RIMBP2: variants seen among roughly 807,000 people sequenced by gnomAD.
RIMBP2 encodes RIMS-binding protein 2.
A neutral mutation model predicts 118.6 loss-of-function variants in RIMBP2; 48 were observed. That is an observed-to-expected ratio of 0.40 (90% CI 0.32 to 0.51). RIMBP2 has a LOEUF of 0.51. Ranked by LOEUF, RIMBP2 falls within the 20% of genes least tolerant of loss-of-function variation. The pLI is 0.41. For synonymous variants in RIMBP2, 762 were observed against 742.9 expected (o/e 1.03, Z -0.42); for missense variants, 1,551 against 1,768.3 (o/e 0.88, Z 2.20).
At chr12:130,596,529 CA>C in intron 2 of RIMBP2, among the ~76,000 whole-genome samples, 1 of 152,332 alleles carries the variant, frequency 6.6e-6, no homozygotes, top group Admixed American at 6.5e-5. Context: ...CACCCACTCA[CA>C]ACGTAGGAAA....
intron 1 of RIMBP2, among the ~76,000 whole-genome samples, chr12:130,655,726 C>T (rs2063400629): frequency 6.6e-6 from 1 of 152,132 alleles, no homozygotes; most frequent in African/African-American, 2.4e-5. Context: ...CATATGTGCA[C>T]ACACACACAC....
chr12:130,509,745 A>G (rs1046960362), intron 3 of RIMBP2, among the ~76,000 whole-genome samples: 1 of 143,388 alleles, frequency 7.0e-6, no homozygotes, highest in Non-Finnish European at 1.5e-5. Context: ...CCCCGGCAAC[A>G]GCACCCACAC....
chr12:130,451,331 C>T lies in RIMBP2; in HGVS notation c.368G>A (p.Ser123Asn), dbSNP rs1343504202. 2 of 1,603,122 alleles carry T rather than the reference C, an allele frequency of 1.2e-6. No homozygotes were observed. ...LATSLGKGQE[S>N]AIGGSSAIGE... ...GATCGCAGAGCTGCCTCCAATAGCG[C>T]TCTCCTGACCTGGCCACGAACATTA... The change falls in exon 8 of 23, where the codon AGC becomes AAC. Residue 123 changes from serine (S) to asparagine (N), a missense_variant. Physicochemically the swap from Ser to Asn is conservative, Grantham distance 46. Coordinates refer to ENST00000690449, the MANE Select transcript of RIMBP2 (RefSeq NM_001393629.1).
At chr12:130,398,602 C>T (rs989639218) in intron 22 of RIMBP2, 3 of 152,580 alleles carry the variant, frequency 2.0e-5, no homozygotes, top group Non-Finnish European at 4.4e-5. Flanking sequence ...ATAGCTCTCT[C>T]GTAAGGTAGA....
At chr12:130,654,879 G>A (rs1232303634) in intron 1 of RIMBP2, among the ~76,000 whole-genome samples, 1 of 152,282 alleles carries the variant, frequency 6.6e-6, no homozygotes, top group East Asian at 1.9e-4. Context: ...CAGCAAGAAA[G>A]CCAGGGAGGA....
rs1240370789 is a variant in RIMBP2, at chr12:130,511,172, G to A, written c.-126-4402C>T. On this transcript the variant is annotated intron_variant, in intron 3 of 22. Transcript: ENST00000690449. This position sits in a 1 kb window ranked among gnomAD's most constrained non-coding sequence, Gnocchi z 4.3. ...AGCAGAGTCAGAGACAAAAAAGAGA[G>A]AGCTTAGGTGATGCTCTGCTGCCAG... is the stretch of plus-strand genomic sequence containing the variant. Among the ~76,000 whole-genome samples the A allele has an allele frequency of 6.6e-6, 1 of 152,108 alleles. No homozygotes were observed. The highest frequency in any genetic ancestry group is 2.4e-5 in the African/African-American group (1 of 41,408).
At chr12:130,517,165 A>G (rs1034146574) in intron 3 of RIMBP2, among the ~76,000 whole-genome samples, 1 of 152,134 alleles carries the variant, frequency 6.6e-6, no homozygotes, top group Non-Finnish European at 1.5e-5. Context: ...CAATGTGTTA[A>G]TGGACCAGTG....
At chr12:130,468,815 G>A (rs763321049) in intron 6 of RIMBP2, among the ~76,000 whole-genome samples, 9 of 152,174 alleles carry the variant, frequency 5.9e-5, no homozygotes, top group African/African-American at 1.4e-4. Flanking sequence ...TCTCCTCTGC[G>A]GTCATCTGAA....
intron 2 of RIMBP2, among the ~76,000 whole-genome samples, chr12:130,551,902 C>A (rs1390291385): frequency 6.6e-6 from 1 of 152,222 alleles, no homozygotes; most frequent in Non-Finnish European, 1.5e-5. Context: ...TGCAGTTTCA[C>A]ATTATGTTAG....
Position 130,407,707 on chromosome 12 carries a change from T to G in RIMBP2, c.3693+19A>C, listed in dbSNP as rs2075307517. ...GGGTGTGGTTGTGTCCGTCATGAAG[T>G]GCAGTGTTTGGCTGGTACCTCGACA... On this transcript the variant is annotated intron_variant, in intron 20 of 22. Coordinates refer to ENST00000690449, the MANE Select transcript of RIMBP2 (RefSeq NM_001393629.1). 1 of 1,590,010 alleles carries G rather than the reference T, an allele frequency of 6.3e-7. No individual in the cohort carries two copies. The highest frequency in any genetic ancestry group is 1.7e-5 in the Admixed American group (1 of 59,954).
intron 1 of RIMBP2, among the ~76,000 whole-genome samples, chr12:130,641,805 C>T (rs1196135442): frequency 6.6e-6 from 1 of 152,102 alleles, no homozygotes; most frequent in Non-Finnish European, 1.5e-5. Context: ...GAGTGGTCAA[C>T]ACAGCAAGGG....
intron 5 of RIMBP2, chr12:130,471,682 C>T (rs2081017678): frequency 1.3e-5 from 2 of 152,420 alleles, no homozygotes; most frequent in Admixed American, 6.5e-5. Flanking sequence ...CACAGGGAAT[C>T]TGCCCTCCCT....
At chr12:130,402,345 G>A (rs557652301) in intron 21 of RIMBP2, among the ~76,000 whole-genome samples, 7 of 152,188 alleles carry the variant, frequency 4.6e-5, no homozygotes, top group African/African-American at 1.4e-4. Context: ...CAGAATCGAA[G>A]GCTCCCCCAG....
In RIMBP2 at chr12:130,443,858, T is replaced by C. The variant is rs538038361; in HGVS notation, c.692-1198A>G. Among the ~76,000 whole-genome samples the C allele has an allele frequency of 9.9e-4, 151 of 152,304 alleles. 1 individual carries two copies. The highest frequency in any genetic ancestry group is 1.7e-3 in the Non-Finnish European group (119 of 68,018). ...TGATAGCTACTATTTATTGAACAAT[T>C]ACTATGTGCTAAGCTCTATCCGAAG... is the stretch of plus-strand genomic sequence containing the variant. On this transcript the variant is annotated intron_variant, in intron 10 of 22. Transcript: ENST00000690449.
At chr12:130,573,026 C>T (rs1329770623) in intron 2 of RIMBP2, among the ~76,000 whole-genome samples, 1 of 152,136 alleles carries the variant, frequency 6.6e-6, no homozygotes, top group Non-Finnish European at 1.5e-5. Flanking sequence ...CTGCTGGCTG[C>T]AGCCAAGCAG....
chr12:130,606,423 C>T (rs1297532553), intron 2 of RIMBP2, among the ~76,000 whole-genome samples: 3 of 152,186 alleles, frequency 2.0e-5, no homozygotes, highest in Non-Finnish European at 4.4e-5. Flanking sequence ...GGCAGGGAGT[C>T]GCGCGTCTAC....
rs1384486473 is a variant in RIMBP2 at position 130,399,710 on chromosome 12, T to C, written c.3869A>G (p.Gln1290Arg). Residue 1290 changes from glutamine to arginine, a missense_variant, in exon 22 of 23, where the codon CAA becomes CGA. Transcript: ENST00000690449. The stretch of plus-strand genomic sequence containing the variant: ...TGCCTTTGAGCGCATTGGCGTATCT[T>C]GAGAGTAGTGGGATGGAGCATCAGA... ...YLSDAPSHYS[Q>R]DTPMRSKAKR... The C allele has an allele frequency of 1.2e-6, 2 of 1,614,134 alleles. No individual in the cohort carries two copies. The highest frequency in any genetic ancestry group is 1.1e-5 in the South Asian group (1 of 91,086).
intron 2 of RIMBP2, among the ~76,000 whole-genome samples, chr12:130,592,839 G>A (rs1212415797): frequency 6.6e-6 from 1 of 152,180 alleles, no homozygotes; most frequent in Non-Finnish European, 1.5e-5. Flanking sequence ...ATCGGGAGCG[G>A]GAGAGATGGA....
At chr12:130,518,204 C>T (rs141995313) in intron 2 of RIMBP2, among the ~76,000 whole-genome samples, 15 of 152,322 alleles carry the variant, frequency 9.8e-5, no homozygotes, top group East Asian at 5.8e-4. Flanking sequence ...CGGAACTTCT[C>T]GCCAATTGGA....
Sources: gnomAD v4.1 joint callset for allele counts (sites outside exome capture counted in the v4.1 genomes callset) on GRCh38, gnomAD v4.1.1 for gene constraint, Gnocchi (gnomAD v3.1) non-coding constraint, MANE v1.5 for transcripts, NCBI Gene and HGNC (gene_info 2026-07-23, HGNC 2026-07-21) for gene names.